Variants in MIPEP observed in about 807,000 individuals in gnomAD.
MIPEP encodes the protein mitochondrial intermediate peptidase.
Under a neutral mutation model 90.3 loss-of-function variants are expected in MIPEP, and 79 were observed. The observed-to-expected ratio is 0.87, with a 90% CI of 0.73 to 1.05. The LOEUF (loss-of-function observed/expected upper bound fraction) is 1.05. MIPEP is among the 50% of genes least tolerant of loss of function. The probability of loss-of-function intolerance (pLI) is 0.00; values close to 1 mark genes in which losing one functional copy is unlikely to be tolerated. For synonymous variants in MIPEP, 334 were observed against 315.8 expected (o/e 1.06, Z -0.61); for missense variants, 940 against 905.6 (o/e 1.04, Z -0.49).
At chr13:23,815,608 C>T (rs1203766059) in intron 14 of MIPEP, among the ~76,000 whole-genome samples, 1 of 152,138 alleles carries the variant, frequency 6.6e-6, no homozygotes, top group Non-Finnish European at 1.5e-5. Flanking sequence ...TGTGCCAGGC[C>T]TATTTTTAAT....
intron 5 of MIPEP, among the ~76,000 whole-genome samples, chr13:23,872,392 C>G (rs572312274): frequency 6.6e-6 from 1 of 152,080 alleles, no homozygotes; most frequent in South Asian, 2.1e-4. Flanking sequence ...ACCCGGGAGG[C>G]GGAGGTTGCG....
In MIPEP at chr13:23,884,075, AG is replaced by A. The variant is rs1374216634; in HGVS notation, c.363+2257del. Among the ~76,000 whole-genome samples the A allele has an allele frequency of 5.3e-5, 8 of 152,316 alleles. No homozygotes were observed. In the East Asian group the frequency reaches 1.5e-3, roughly 29 times the overall value. ...TGGGTGGAAGGAAATTTTCCAAAAA[AG>A]GAAAAAAAATAAAGATGGGGATGAG... is the stretch of plus-strand genomic sequence containing the variant. On this transcript the variant is annotated intron_variant, in intron 2 of 18. Coordinates refer to ENST00000382172, the MANE Select transcript of MIPEP (RefSeq NM_005932.4).
chr13:23,851,978 T>C (rs1392901732), intron 10 of MIPEP, among the ~76,000 whole-genome samples: 1 of 152,168 alleles, frequency 6.6e-6, no homozygotes, highest in Non-Finnish European at 1.5e-5. Flanking sequence ...CTTACAGGAA[T>C]GATAGGAAGA....
intron 12 of MIPEP, among the ~76,000 whole-genome samples, chr13:23,839,432 C>G (rs939363411): frequency 6.6e-6 from 1 of 152,110 alleles, no homozygotes; most frequent in African/African-American, 2.4e-5. Flanking sequence ...TAATTAATAC[C>G]ATGACCCAGA....
intron 16 of MIPEP, among the ~76,000 whole-genome samples, chr13:23,783,838 A>C (rs1565992907): frequency 6.6e-6 from 1 of 152,142 alleles, no homozygotes; most frequent in Non-Finnish European, 1.5e-5. Context: ...TCATGAGTGA[A>C]CTCCCATTCA....
chr13:23,813,993 A>G (rs1284746050), intron 14 of MIPEP, among the ~76,000 whole-genome samples: 1 of 152,256 alleles, frequency 6.6e-6, no homozygotes, highest in Non-Finnish European at 1.5e-5. Flanking sequence ...CTATGTATAA[A>G]TGAAAATGCA....
intron 16 of MIPEP, among the ~76,000 whole-genome samples, chr13:23,787,721 T>C (rs935267379): frequency 7.2e-5 from 11 of 152,166 alleles, no homozygotes; most frequent in African/African-American, 2.7e-4. Context: ...CAAGAATATC[T>C]CTTTTAGGAT....
chr13:23,869,252 A>T lies in MIPEP; in HGVS notation c.943+40T>A, dbSNP rs201904246. On this transcript the variant is annotated intron_variant, in intron 7 of 18. Coordinates refer to ENST00000382172, the MANE Select transcript of MIPEP (RefSeq NM_005932.4). ...AAAATCAAAAGCTCAGTTTCATAAAAATCCTATTTTGCCCTTAAATGTTGG... is the reference window on the plus strand; with the variant it reads ...AAAATCAAAAGCTCAGTTTCATAAATATCCTATTTTGCCCTTAAATGTTGG... 2,404 of 1,517,974 alleles carry T rather than the reference A, an allele frequency of 1.6e-3. 3 individuals carry two copies. The highest frequency in any genetic ancestry group is 2.0e-3 in the Non-Finnish European group (2,263 of 1,133,436). The allele number at this position is 1,517,974 out of a possible 1,614,324, so 94.0% of individuals were successfully genotyped here.
chr13:23,869,534 G>A, intron 6 of MIPEP, 86 bp from the exon 7 acceptor site: 1 of 1,192,782 alleles, frequency 8.4e-7, no homozygotes. Flanking sequence ...CTCACCACTT[G>A]ATCTGCAGAT....
rs372134272 is a variant in MIPEP at position 23,869,378 on chromosome 13, A to G, written c.857T>C (p.Leu286Pro). The G allele has an allele frequency of 2.0e-5, 32 of 1,613,688 alleles. No individual in the cohort carries two copies. Among genetic ancestry groups the G allele is most frequent in the Non-Finnish European group, 2.7e-5 (32 of 1,179,896 alleles). Residue 286 changes from leucine (L) to proline (P), a missense_variant, in exon 7 of 19, where the codon CTC becomes CCC. Coordinates refer to ENST00000382172, the MANE Select transcript of MIPEP (RefSeq NM_005932.4). The part of the protein sequence containing the change: ...AGQLKCLEEL[L>P]SSRDLLAKLV... ...CTTTGCCAGAAGATCTCTGCTGCTG[A>G]GCAATTCTTCTAAACATTTCAATTG... is the stretch of plus-strand genomic sequence containing the variant.
chr13:23,739,757 A>G (rs1012137946), intron 18 of MIPEP, among the ~76,000 whole-genome samples: 1 of 152,126 alleles, frequency 6.6e-6, no homozygotes, highest in Non-Finnish European at 1.5e-5. Context: ...AAACATGACT[A>G]CTCCTGACTC....
At position 23,810,942 on chromosome 13, in the gene MIPEP, G is replaced by C. The variant is rs1953164503; in HGVS notation, c.1654-1018C>G. 2.0e-5 allele frequency among the ~76,000 whole-genome samples: 3 copies of C among 152,206 alleles called. No homozygotes were observed. The South Asian group carries it at 6.2e-4, about 31-fold the overall frequency. On this transcript the variant is annotated intron_variant, in intron 14 of 18. Transcript: ENST00000382172. ...CTCTTTCCATTTGGCAGCAAGAGAA[G>C]TAAACTAGGCAGAAAAGACAATATT...
At chr13:23,731,049 T>A (rs1385927518) in intron 18 of MIPEP, among the ~76,000 whole-genome samples, 1 of 152,180 alleles carries the variant, frequency 6.6e-6, no homozygotes, top group African/African-American at 2.4e-5. Flanking sequence ...GTAGAAGCAA[T>A]GAAGCACCAT....
At chr13:23,832,643 G>A (rs1868825452) in intron 14 of MIPEP, among the ~76,000 whole-genome samples, 1 of 152,156 alleles carries the variant, frequency 6.6e-6, no homozygotes, top group Non-Finnish European at 1.5e-5. Flanking sequence ...ACTGAGAAGA[G>A]AAACAATGAC....
intron 10 of MIPEP, chr13:23,842,174 T>C (rs1314516909): frequency 6.6e-6 from 1 of 152,160 alleles, no homozygotes; most frequent in African/African-American, 2.4e-5. Flanking sequence ...CAAGCCAAAA[T>C]ATATAGCCAT....
chr13:23,858,775 G>A, intron 10 of MIPEP, 85 bp downstream of exon 10: 1 of 1,179,772 alleles, frequency 8.5e-7, no homozygotes, highest in Non-Finnish European at 1.3e-6. Flanking sequence ...TGTACTGTGG[G>A]CGACTCAGTG....
At chr13:23,888,995 A>G (rs559012685) in intron 1 of MIPEP, 137 bp downstream of exon 1, 2 of 820,406 alleles carry the variant, frequency 2.4e-6, no homozygotes, top group Admixed American at 4.1e-5. Flanking sequence ...AGCGCACACA[A>G]GACGCCACTG....
intron 4 of MIPEP, among the ~76,000 whole-genome samples, chr13:23,875,254 AATAAATAATTTAGTACCACAG>A (rs1871020947): frequency 6.6e-6 from 1 of 152,138 alleles, no homozygotes; most frequent in African/African-American, 2.4e-5. Flanking sequence ...ACAGGTTTGT[AATAAATAATTTAGTACCACAG>A]GTTTGTAATA....
intron 16 of MIPEP, among the ~76,000 whole-genome samples, chr13:23,779,149 C>T (rs150532334): frequency 8.5e-5 from 13 of 152,242 alleles, no homozygotes; most frequent in African/African-American, 2.6e-4. Flanking sequence ...TTTGCCTTTT[C>T]TATTATTATT....
Sources: allele counts gnomAD v4.1 joint callset (sites outside exome capture counted in the v4.1 genomes callset), GRCh38; gene constraint gnomAD v4.1.1; transcripts MANE v1.5; gene names NCBI Gene and HGNC (gene_info 2026-07-23, HGNC 2026-07-21).